The following GPHN variants were observed in gnomAD, a reference collection of about 807,000 sequenced individuals.
GPHN encodes the protein gephyrin.
GPHN carries 17 observed loss-of-function variants against 95.5 expected under a neutral mutation model. That is an observed-to-expected ratio of 0.18 (90% CI 0.12 to 0.27). The LOEUF (loss-of-function observed/expected upper bound fraction) is 0.27, where lower values mean the gene tolerates loss of function less well. GPHN is among the 10% of genes least tolerant of loss of function. The probability of loss-of-function intolerance (pLI) is 1.00; values close to 1 mark genes in which losing one functional copy is unlikely to be tolerated. For synonymous variants in GPHN, 320 were observed against 322.5 expected (o/e 0.99, Z 0.08); for missense variants, 660 against 978.1 (o/e 0.67, Z 4.34).
At position 67,181,781 on chromosome 14, in the gene GPHN, A is replaced by T. The variant is rs1483331257; in HGVS notation, c.*844A>T. Reference sequence around the variant, plus strand: ...ATACTGAAACTTAATGAATAAAAAAATTCCTTGATCATTATTTAAAAATGT... The same window carrying T: ...ATACTGAAACTTAATGAATAAAAAATTTCCTTGATCATTATTTAAAAATGT... On this transcript the variant is annotated 3_prime_UTR_variant, in exon 23 of 23. Transcript: ENST00000478722. 1 of 185,184 alleles carries T rather than the reference A, an allele frequency of 5.4e-6. No homozygotes were observed. The highest frequency in any genetic ancestry group is 1.1e-5 in the Non-Finnish European group (1 of 87,018). 11.5% of individuals were successfully genotyped at this position (185,184 alleles called of 1,614,324 possible).
intron 10 of GPHN, among the ~76,000 whole-genome samples, chr14:67,057,410 G>GGC (rs778602506): frequency 0.065 from 9,718 of 148,424 alleles, 906 homozygotes; most frequent in African/African-American, 0.19. Context: ...GGGCACATGG[G>GGC]TGGGGGGGGC....
chr14:66,862,457 G>A (rs1052654203), intron 4 of GPHN, among the ~76,000 whole-genome samples: 36 of 152,048 alleles, frequency 2.4e-4, no homozygotes, highest in Admixed American at 1.9e-3. Context: ...AATACAAGGA[G>A]GAGGGAATAC....
chr14:67,159,787 C>G (rs898647403), intron 19 of GPHN, among the ~76,000 whole-genome samples: 2 of 152,072 alleles, frequency 1.3e-5, no homozygotes, highest in African/African-American at 4.8e-5. Context: ...CAAACTGCTT[C>G]TTTATCTGTT....
chr14:66,565,799 A>G (rs1454922867), intron 1 of GPHN, among the ~76,000 whole-genome samples: 2 of 152,194 alleles, frequency 1.3e-5, no homozygotes, highest in African/African-American at 2.4e-5. Flanking sequence ...ATATTAACTT[A>G]CTTTTTGCAA....
chr14:67,627,256 GATATATATAT>G, the GPHN span, among the ~76,000 whole-genome samples: 10 of 133,746 alleles, frequency 7.5e-5, no homozygotes, highest in East Asian at 8.6e-4. Context: ...TCAGTAAGGA[GATATATATAT>G]ATATATATAT....
the GPHN span, among the ~76,000 whole-genome samples, chr14:67,673,046 C>G: frequency 6.6e-6 from 1 of 152,252 alleles, no homozygotes; most frequent in Non-Finnish European, 1.5e-5. Context: ...ATTTAAGTCT[C>G]TGTTCAAACG....
intron 3 of GPHN, 59 bp downstream of exon 3, chr14:66,776,580 A>G (rs2059389774): frequency 1.0e-6 from 1 of 963,020 alleles, no homozygotes; most frequent in Admixed American, 1.7e-5. Context: ...GGGGTGGGGA[A>G]GAGTTGCTTT....
At chr14:66,561,549 T>C (rs1017133361) in intron 1 of GPHN, among the ~76,000 whole-genome samples, 3 of 152,158 alleles carry the variant, frequency 2.0e-5, no homozygotes, top group Non-Finnish European at 2.9e-5. Flanking sequence ...AGGAAATTGG[T>C]GCCCAGATGT....
At chr14:67,191,195 C>T in the GPHN span, among the ~76,000 whole-genome samples, 5 of 152,192 alleles carry the variant, frequency 3.3e-5, no homozygotes, top group African/African-American at 9.7e-5. Flanking sequence ...GATCACACCA[C>T]TGCACTCCAG....
chr14:67,252,622 A>G, the GPHN span, among the ~76,000 whole-genome samples: 7 of 152,180 alleles, frequency 4.6e-5, no homozygotes, highest in African/African-American at 1.4e-4. Flanking sequence ...CCAGGTAGAT[A>G]GTGTCAGAAT....
At chr14:67,253,953 A>ATTT in the GPHN span, among the ~76,000 whole-genome samples, 3 of 138,708 alleles carry the variant, frequency 2.2e-5, no homozygotes, top group East Asian at 2.3e-4. Flanking sequence ...TTGTGTTAAT[A>ATTT]TTTTGTTTTG....
At chr14:67,553,717 AT>A in the GPHN span, among the ~76,000 whole-genome samples, 1 of 152,168 alleles carries the variant, frequency 6.6e-6, no homozygotes, top group African/African-American at 2.4e-5. Context: ...CATAATATTG[AT>A]TTATGCTGTG....
chr14:67,250,728 G>C, the GPHN span, among the ~76,000 whole-genome samples: 12 of 152,094 alleles, frequency 7.9e-5, no homozygotes, highest in Admixed American at 1.3e-4. Context: ...TTTGCATAAG[G>C]GTAATCAGTA....
At chr14:67,645,879 T>C in the GPHN span, 10 of 1,537,504 alleles carry the variant, frequency 6.5e-6, no homozygotes, top group Admixed American at 1.8e-5. Context: ...AGTTAAGATT[T>C]TGGTGAAGGG....
intron 1 of GPHN, among the ~76,000 whole-genome samples, chr14:66,596,785 A>G (rs1348778255): frequency 1.3e-5 from 2 of 152,190 alleles, no homozygotes; most frequent in African/African-American, 2.4e-5. Flanking sequence ...GACGGCTACA[A>G]CTGCGCCCGG....
chr14:66,574,893 C>G (rs1479720789), intron 1 of GPHN, among the ~76,000 whole-genome samples: 3 of 152,174 alleles, frequency 2.0e-5, no homozygotes, highest in Non-Finnish European at 4.4e-5. Context: ...ACACCCCTCC[C>G]CTGTCCTATG....
rs146248113 is a variant in GPHN, at chr14:66,679,889, G to C, written c.65-1218G>C. ...CTAACTCTATATCATCTGTGGGTCT[G>C]TTTATATTTATTCTCTTTTCCCTTG... On this transcript the variant is annotated intron_variant, in intron 1 of 22. Transcript: ENST00000478722. Among the ~76,000 whole-genome samples the C allele has an allele frequency of 3.0e-3, 452 of 152,114 alleles. 3 individuals carry two copies. The highest frequency in any genetic ancestry group is 0.01 in the African/African-American group (434 of 41,496).
At chr14:67,260,937 T>C in the GPHN span, among the ~76,000 whole-genome samples, 1 of 152,160 alleles carries the variant, frequency 6.6e-6, no homozygotes, top group Non-Finnish European at 1.5e-5. Context: ...GCCATATGAA[T>C]GTCAGGCTAA....
chr14:67,056,101 G>A (rs2075553467), intron 10 of GPHN, among the ~76,000 whole-genome samples: 1 of 152,202 alleles, frequency 6.6e-6, no homozygotes, highest in Non-Finnish European at 1.5e-5. Context: ...CATGGAGGGG[G>A]ACCCCAGCAG....
Sources: allele counts gnomAD v4.1 joint callset (sites outside exome capture counted in the v4.1 genomes callset), GRCh38; gene constraint gnomAD v4.1.1; transcripts MANE v1.5; gene names NCBI Gene and HGNC (gene_info 2026-07-23, HGNC 2026-07-21).